STPG4: variants seen among roughly 807,000 people sequenced by gnomAD.
STPG4 encodes sperm-tail PG-rich repeat containing 4.
STPG4 carries 41 observed loss-of-function variants against 31.5 expected under a neutral mutation model. That is an observed-to-expected ratio of 1.30 (90% CI 1.01 to 1.69). The LOEUF (loss-of-function observed/expected upper bound fraction) is 1.69, where lower values mean the gene tolerates loss of function less well. STPG4 is among the 40% of genes most tolerant of loss of function. The pLI, the probability that STPG4 is intolerant of heterozygous loss-of-function variation, is 0.00. For synonymous variants in STPG4, 141 were observed against 103.0 expected, an observed-to-expected ratio of 1.37 and a Z score of -2.24; for missense variants, 375 against 293.4, an observed-to-expected ratio of 1.28 and a Z score of -2.03.
At chr2:47,126,338 C>G (rs1290696423) in intron 5 of STPG4, among the ~76,000 whole-genome samples, 1 of 151,546 alleles carries the variant, frequency 6.6e-6, no homozygotes, top group Non-Finnish European at 1.5e-5. Flanking sequence ...TCTCCTTCTT[C>G]TTCTTCAGAC....
intron 1 of STPG4, among the ~76,000 whole-genome samples, chr2:47,154,089 A>C (rs1393887498): frequency 6.6e-6 from 1 of 152,208 alleles, no homozygotes; most frequent in African/African-American, 2.4e-5. Flanking sequence ...TTACTATAAA[A>C]TATAGGTCAT....
intron 3 of STPG4, among the ~76,000 whole-genome samples, chr2:47,141,866 T>C (rs1260320674): frequency 6.7e-6 from 1 of 149,694 alleles, no homozygotes; most frequent in Middle Eastern, 3.2e-3. Flanking sequence ...ACTGAACACC[T>C]GGGGGAGGGC....
chr2:47,128,969 G>A (rs1253925253), intron 5 of STPG4: 1 of 152,328 alleles, frequency 6.6e-6, no homozygotes, highest in Non-Finnish European at 1.5e-5. Flanking sequence ...TTTATTCGAA[G>A]CCCAAGGGCT....
intron 6 of STPG4, among the ~76,000 whole-genome samples, chr2:47,089,170 G>A (rs1685518341): frequency 6.6e-6 from 1 of 152,204 alleles, no homozygotes; most frequent in Non-Finnish European, 1.5e-5. Context: ...TGGTTAGCAT[G>A]ACTCAGCGTT....
intron 5 of STPG4, among the ~76,000 whole-genome samples, chr2:47,104,621 A>C (rs1685867059): frequency 6.6e-6 from 1 of 151,924 alleles, no homozygotes; most frequent in Non-Finnish European, 1.5e-5. Context: ...GTCTTGCCCC[A>C]GGGGTTTAGG....
intron 3 of STPG4, among the ~76,000 whole-genome samples, chr2:47,147,038 G>A (rs1573199369): frequency 6.6e-6 from 1 of 152,116 alleles, no homozygotes. Flanking sequence ...TATTCAGGAA[G>A]CTAAGGGGGA....
intron 5 of STPG4, among the ~76,000 whole-genome samples, chr2:47,100,586 C>A (rs1292438769): frequency 6.6e-6 from 1 of 150,952 alleles, no homozygotes; most frequent in African/African-American, 2.5e-5. Context: ...GAGTCCCCTT[C>A]CACACTGTGG....
chr2:47,098,981 A>G (rs950631418), intron 5 of STPG4, among the ~76,000 whole-genome samples: 2 of 152,176 alleles, frequency 1.3e-5, no homozygotes, highest in Non-Finnish European at 1.5e-5. Flanking sequence ...TTAGGGGCCA[A>G]AAGTTATTCA....
intron 5 of STPG4, among the ~76,000 whole-genome samples, chr2:47,118,111 C>A (rs6729190): frequency 0.025 from 3,853 of 152,032 alleles, 171 homozygotes; most frequent in African/African-American, 0.088. Context: ...GAGTTGCTTA[C>A]GTCAGGGTCC....
intron 5 of STPG4, among the ~76,000 whole-genome samples, chr2:47,091,485 T>C (rs1301507710): frequency 1.3e-5 from 2 of 152,176 alleles, no homozygotes; most frequent in Non-Finnish European, 2.9e-5. Flanking sequence ...TTTCCCCTAG[T>C]AATTCGCTTT....
chr2:47,096,968 G>A (rs1334885081), intron 5 of STPG4, among the ~76,000 whole-genome samples: 1 of 152,082 alleles, frequency 6.6e-6, no homozygotes, highest in Admixed American at 6.6e-5. Flanking sequence ...GGGAGGCCAC[G>A]GGGAGAGGCA....
intron 5 of STPG4, among the ~76,000 whole-genome samples, chr2:47,091,477 T>C (rs999940398): frequency 1.3e-5 from 2 of 152,184 alleles, no homozygotes; most frequent in Non-Finnish European, 2.9e-5. Flanking sequence ...ATCTTTTTTT[T>C]CCCCTAGTAA....
chr2:47,117,930 A>ATATATTTTTTT (rs1491090707), intron 5 of STPG4, among the ~76,000 whole-genome samples: 4 of 117,514 alleles, frequency 3.4e-5, no homozygotes, highest in African/African-American at 1.1e-4. Flanking sequence ...ATATATATAT[A>ATATATTTTTTT]TTTTTTTTTT....
In STPG4 at chr2:47,093,592, C is replaced by T. The variant is rs571998635; in HGVS notation, c.520-3218G>A. ...AGCGACCTGCCCCTTTTCCCCAGGC[C>T]TAATGCGGCTTTGCTTTCTAAAGCT... On this transcript the variant is annotated intron_variant, in intron 5 of 6. Transcript: ENST00000445927. 2.6e-5 allele frequency among the ~76,000 whole-genome samples: 4 copies of T among 152,312 alleles called. No individual in the cohort carries two copies. The South Asian group carries it at 8.3e-4, about 32-fold the overall frequency.
chr2:47,102,876 C>T (rs1393216621), intron 5 of STPG4, among the ~76,000 whole-genome samples: 2 of 151,796 alleles, frequency 1.3e-5, no homozygotes, highest in Non-Finnish European at 2.9e-5. Context: ...CTGATAGGTA[C>T]ATAGATCCTA....
At chr2:47,093,744 A>T (rs563666096) in intron 5 of STPG4, among the ~76,000 whole-genome samples, 8 of 152,262 alleles carry the variant, frequency 5.3e-5, no homozygotes, top group Non-Finnish European at 1.2e-4. Context: ...GATGTGCTGC[A>T]GAAAGAAGTT....
chr2:47,100,055 G>T (rs1685759659), intron 5 of STPG4, among the ~76,000 whole-genome samples: 1 of 152,084 alleles, frequency 6.6e-6, no homozygotes, highest in African/African-American at 2.4e-5. Context: ...CCTCCCTGAT[G>T]AGTGCCGCCC....
At chr2:47,114,014 G>A (rs555865595) in intron 5 of STPG4, among the ~76,000 whole-genome samples, 1 of 149,674 alleles carries the variant, frequency 6.7e-6, no homozygotes, top group East Asian at 2.0e-4. Context: ...GGGCGACAAA[G>A]TGAGACTTGT....
chr2:47,117,563 A>C (rs6754200), intron 5 of STPG4, among the ~76,000 whole-genome samples: 139 of 152,280 alleles, frequency 9.1e-4, no homozygotes, highest in African/African-American at 3.1e-3. Flanking sequence ...GCCATGTTTC[A>C]AGTTCCCACA....
Sources: gnomAD v4.1 joint callset for allele counts (sites outside exome capture counted in the v4.1 genomes callset) on GRCh38, gnomAD v4.1.1 for gene constraint, MANE v1.5 for transcripts, NCBI Gene and HGNC (gene_info 2026-07-23, HGNC 2026-07-21) for gene names.